Variants in ITK observed in about 807,000 individuals in gnomAD.
ITK encodes the protein tyrosine-protein kinase ITK/TSK.
A neutral mutation model predicts 87.6 loss-of-function variants in ITK; 45 were observed. The ratio of observed to expected loss-of-function variants is 0.51; its 90% confidence interval spans 0.40 to 0.66. The LOEUF is 0.66. Ranked by LOEUF, ITK falls within the 30% of genes least tolerant of loss-of-function variation. The probability of loss-of-function intolerance (pLI) is 0.00; values close to 1 mark genes in which losing one functional copy is unlikely to be tolerated. For missense variants in ITK, 605 were observed against 766.3 expected, an observed-to-expected ratio of 0.79 and a Z score of 2.48; for synonymous variants, 303 against 273.6, an observed-to-expected ratio of 1.11 and a Z score of -1.06.
chr5:157,247,564 C>A (rs1261590774), intron 15 of ITK, among the ~76,000 whole-genome samples: 1 of 152,188 alleles, frequency 6.6e-6, no homozygotes, highest in Non-Finnish European at 1.5e-5. Flanking sequence ...TGGGAATTTC[C>A]TGGGGCATAT....
chr5:157,199,598 C>G (rs993851627), intron 1 of ITK: 1 of 152,194 alleles, frequency 6.6e-6, no homozygotes, highest in Non-Finnish European at 1.5e-5. Flanking sequence ...CCAGCAAGTG[C>G]TAAGCCAGGA....
chr5:157,199,781 A>G (rs1753929806), intron 1 of ITK: 1 of 152,242 alleles, frequency 6.6e-6, no homozygotes, highest in African/African-American at 2.4e-5. Context: ...AATGCCTGGA[A>G]TATAGAAAAT....
In ITK at chr5:157,254,057, A is replaced by G. The variant is rs1238795905; in HGVS notation, c.*1379A>G. The G allele has an allele frequency of 4.4e-6, 1 of 226,660 alleles. No individual in the cohort carries two copies. The highest frequency in any genetic ancestry group is 8.8e-6 in the Non-Finnish European group (1 of 114,012). The allele number at this position is 226,660 out of a possible 1,614,324, so 14.0% of individuals were successfully genotyped here. On this transcript the variant is annotated 3_prime_UTR_variant, in exon 17 of 17. Transcript: ENST00000422843. ...CTAGAAAGTCTAGAGCTGGTATTCT[A>G]GCCCAAATCTGTCTGACCGCAATAC...
At chr5:157,228,722 C>T (rs1754587443) in intron 7 of ITK, among the ~76,000 whole-genome samples, 2 of 150,374 alleles carry the variant, frequency 1.3e-5, no homozygotes, top group South Asian at 4.2e-4. Context: ...GCAACCTCAA[C>T]CTACTGGGCT....
chr5:157,201,188 A>T (rs1038941430), intron 1 of ITK, among the ~76,000 whole-genome samples: 3 of 152,180 alleles, frequency 2.0e-5, no homozygotes, highest in Non-Finnish European at 4.4e-5. Flanking sequence ...ATAGAAAAAA[A>T]ATTTTGAGTC....
In ITK at chr5:157,246,005, T is replaced by C. The variant is rs1233956486; in HGVS notation, c.1633+6T>C. ...GTCCGATGTGTGGTCATTTGGTGAG[T>C]GTCATGCTGGGCCCCACTGCCCCAT... On this transcript the variant is annotated splice_donor_region_variant and intron_variant, in intron 15 of 16. Coordinates refer to ENST00000422843, the MANE Select transcript of ITK (RefSeq NM_005546.4). 1 of 1,590,724 alleles carries C rather than the reference T, an allele frequency of 6.3e-7. No homozygotes were observed. Among genetic ancestry groups the C allele is most frequent in the East Asian group, 2.2e-5 (1 of 44,782 alleles).
chr5:157,246,256 G>A (rs1282546968), intron 15 of ITK, among the ~76,000 whole-genome samples: 1 of 152,254 alleles, frequency 6.6e-6, no homozygotes, highest in Non-Finnish European at 1.5e-5. Context: ...CTGCTGTGAA[G>A]TCAAAAGCTG....
intron 7 of ITK, among the ~76,000 whole-genome samples, 158 bp downstream of exon 7, chr5:157,228,519 C>A (rs577873464): frequency 9.3e-4 from 142 of 152,206 alleles, no homozygotes; most frequent in South Asian, 6.8e-3. Flanking sequence ...ATAAGGCTTT[C>A]CACTAAAAAA....
chr5:157,202,405 G>A (rs1753995812), intron 1 of ITK, among the ~76,000 whole-genome samples: 1 of 151,994 alleles, frequency 6.6e-6, no homozygotes, highest in African/African-American at 2.4e-5. Context: ...GTAGAGATGG[G>A]GTTTCACCAT....
intron 1 of ITK, among the ~76,000 whole-genome samples, chr5:157,187,385 G>C (rs999314081): frequency 6.6e-6 from 1 of 152,202 alleles, no homozygotes; most frequent in African/African-American, 2.4e-5. Flanking sequence ...GGAATAAAAG[G>C]AGAAAGGGAG....
intron 7 of ITK, among the ~76,000 whole-genome samples, chr5:157,231,525 A>G (rs1477988832): frequency 6.6e-6 from 1 of 152,214 alleles, no homozygotes; most frequent in Non-Finnish European, 1.5e-5. Context: ...TCCTTTAGTC[A>G]TGGCTACTCT....
At position 157,220,819 on chromosome 5, in the gene ITK, C is replaced by T. The variant is rs1754398966; in HGVS notation, c.496-2044C>T. On this transcript the variant is annotated intron_variant, in intron 5 of 16. Transcript: ENST00000422843. ...GAAAAGAAATTTATAACTAATATAA[C>T]ATATATATACACAATTTTTTAAAAT... Among the ~76,000 whole-genome samples the T allele has an allele frequency of 2.0e-5, 3 of 152,182 alleles. No individual in the cohort carries two copies. The East Asian group carries it at 5.8e-4, about 29-fold the overall frequency.
At chr5:157,186,630 T>C (rs2434973) in intron 1 of ITK, among the ~76,000 whole-genome samples, 14,602 of 151,646 alleles carry the variant, frequency 0.096, 861 homozygotes, top group Non-Finnish European at 0.14. Context: ...GAGCCAAGAT[T>C]GTGCGATTGC....
intron 15 of ITK, 92 bp from the exon 16 acceptor site, chr5:157,248,758 T>G: frequency 7.1e-7 from 1 of 1,404,146 alleles, no homozygotes; most frequent in Non-Finnish European, 1.0e-6. Context: ...TGAATCCTAA[T>G]GCAAGGAGTC....
At chr5:157,211,724 G>A (rs936784191) in intron 3 of ITK, among the ~76,000 whole-genome samples, 8 of 152,144 alleles carry the variant, frequency 5.3e-5, no homozygotes, top group East Asian at 3.8e-4. Context: ...CCAACTCCTC[G>A]TATAGTATGA....
Position 157,253,350 on chromosome 5 carries a change from T to C in ITK, c.*672T>C, listed in dbSNP as rs142807619. 29 of 233,570 alleles carry C rather than the reference T, an allele frequency of 1.2e-4. No homozygotes were observed. In the East Asian group the frequency reaches 1.4e-3, roughly 11 times the overall value. The allele number at this position is 233,570 out of a possible 1,614,324, so 14.5% of individuals were successfully genotyped here. A position where few individuals can be genotyped will look rare whatever the true frequency, so the allele number is the denominator to read the frequency against. On this transcript the variant is annotated 3_prime_UTR_variant, in exon 17 of 17. Transcript: ENST00000422843. ...CTTGAAGGGAGCATGGCGAGACCCA[T>C]TGGATGGATTGGGGTGAACAGTTCA...
At chr5:157,195,170 C>T (rs771517724) in intron 1 of ITK, 1 of 152,212 alleles carries the variant, frequency 6.6e-6, no homozygotes, top group African/African-American at 2.4e-5. Flanking sequence ...AAATGAGCCT[C>T]CTGCCACAAA....
chr5:157,203,109 A>G (rs143167960), intron 1 of ITK, among the ~76,000 whole-genome samples: 299 of 152,256 alleles, frequency 2.0e-3, no homozygotes, highest in African/African-American at 6.9e-3. Flanking sequence ...TTCTCTCTCC[A>G]GAGAGGTCTG....
At chr5:157,190,777 C>G (rs1331345377) in intron 1 of ITK, among the ~76,000 whole-genome samples, 1 of 151,966 alleles carries the variant, frequency 6.6e-6, no homozygotes, top group African/African-American at 2.4e-5. Context: ...GTACAAAGAC[C>G]CTGAGGAAGG....
Sources: allele counts gnomAD v4.1 joint callset (sites outside exome capture counted in the v4.1 genomes callset), GRCh38; gene constraint gnomAD v4.1.1; transcripts MANE v1.5; gene names NCBI Gene and HGNC (gene_info 2026-07-23, HGNC 2026-07-21).